The following RUBCNL variants were observed in gnomAD, a reference collection of about 807,000 sequenced individuals.
RUBCNL encodes the protein protein associated with UVRAG as autophagy enhancer.
Under a neutral mutation model 69.5 loss-of-function variants are expected in RUBCNL, and 62 were observed. That is an observed-to-expected ratio of 0.89 (90% CI 0.73 to 1.10). RUBCNL has a LOEUF of 1.10. RUBCNL is among the 50% of genes least tolerant of loss of function. The pLI is 0.00. For missense variants in RUBCNL, 768 were observed against 798.1 expected (o/e 0.96, Z 0.45); for synonymous variants, 291 against 303.6 (o/e 0.96, Z 0.43).
rs571927302 is a variant in RUBCNL at position 46,338,784 on chromosome 13, C to T, written c.*4601G>A. 8.6e-5 allele frequency among the ~76,000 whole-genome samples: 13 copies of T among 152,004 alleles called. No homozygotes were observed. Among genetic ancestry groups the T allele is most frequent in the African/African-American group, 1.5e-4 (6 of 41,378 alleles). On this transcript the variant is annotated 3_prime_UTR_variant, in exon 15 of 15. Coordinates refer to ENST00000429979, the MANE Select transcript of RUBCNL (RefSeq NM_025113.5). ...AAAATGTTCAAGGAAGGGCTGGGCG[C>T]GGTGGCTCACACCTGTAATCCAAGC...
In RUBCNL at chr13:46,347,656, G is replaced by A. The variant is rs12585021; in HGVS notation, c.1631+1630C>T. Among the ~76,000 whole-genome samples the A allele has an allele frequency of 0.028, 4,223 of 152,230 alleles. 359 individuals carry two copies. In the East Asian group the frequency reaches 0.33, roughly 12 times the overall value. ...GGATGAATAGATGGATTAAAAAAAT[G>A]TAGTATATACATACAATGAAATATT... On this transcript the variant is annotated intron_variant, in intron 12 of 14. Transcript: ENST00000429979.
At chr13:46,385,735 T>G (rs1180342124) in intron 1 of RUBCNL, among the ~76,000 whole-genome samples, 1 of 151,948 alleles carries the variant, frequency 6.6e-6, no homozygotes, top group African/African-American at 2.4e-5. Flanking sequence ...GAATGTTCCT[T>G]GTATCAAAAA....
chr13:46,387,110 C>T, intron 1 of RUBCNL, 24 bp downstream of exon 1: 2 of 985,790 alleles, frequency 2.0e-6, no homozygotes, highest in Non-Finnish European at 2.4e-6. Flanking sequence ...GCTCCCATCT[C>T]GCCCCCGGCC....
At chr13:46,368,567 C>G (rs1017558689) in intron 4 of RUBCNL, 166 bp downstream of exon 4, 2 of 904,150 alleles carry the variant, frequency 2.2e-6, no homozygotes, top group Non-Finnish European at 2.6e-6. Context: ...GGCACGGCCT[C>G]GGAACCCTTC....
Position 46,337,163 on chromosome 13 carries a change from G to T in RUBCNL, c.*6222C>A, listed in dbSNP as rs1465256246. On this transcript the variant is annotated 3_prime_UTR_variant, in exon 15 of 15. Coordinates refer to ENST00000429979, the MANE Select transcript of RUBCNL (RefSeq NM_025113.5). ...TTCTTTTTTTGGGGGCAGGGAGGGG[G>T]GACCAAGTCTCACTCTGTTGTCAGG... Among the ~76,000 whole-genome samples the T allele has an allele frequency of 1.3e-5, 2 of 151,174 alleles. No homozygotes were observed. Among genetic ancestry groups the T allele is most frequent in the Non-Finnish European group, 2.9e-5 (2 of 67,818 alleles).
At position 46,349,301 on chromosome 13, in the gene RUBCNL, C is replaced by T. The variant is rs774620986; in HGVS notation, c.1616G>A (p.Cys539Tyr). 4 of 1,613,642 alleles carry T rather than the reference C, an allele frequency of 2.5e-6. No homozygotes were observed. Among genetic ancestry groups the T allele is most frequent in the Non-Finnish European group, 3.4e-6 (4 of 1,179,746 alleles). Residue 539 changes from cysteine (C) to tyrosine (Y), a missense_variant, in exon 12 of 15, where the codon TGT becomes TAT. By Grantham distance (194) the Cys-to-Tyr change is radical. Coordinates refer to ENST00000429979, the MANE Select transcript of RUBCNL (RefSeq NM_025113.5). ...LFHIKKLLKT[C>Y]RFANSALKEF... Reference sequence around the variant, plus strand: ...AGAATAGTACCTGTTAGCAAACCTACAGGTCTTCAACAGCTTCTTGATATG... The same window carrying T: ...AGAATAGTACCTGTTAGCAAACCTATAGGTCTTCAACAGCTTCTTGATATG...
intron 5 of RUBCNL, 26 bp from the exon 6 acceptor site, chr13:46,363,239 T>C: frequency 7.5e-7 from 1 of 1,341,816 alleles, no homozygotes; most frequent in Admixed American, 2.6e-5. Flanking sequence ...AAGGAGGTTT[T>C]TACCAATAAG....
intron 1 of RUBCNL, among the ~76,000 whole-genome samples, chr13:46,380,857 T>C (rs1044739872): frequency 2.6e-5 from 4 of 152,076 alleles, no homozygotes; most frequent in Non-Finnish European, 4.4e-5. Flanking sequence ...ACCACTAAAT[T>C]AACATTCTAC....
chr13:46,387,016 A>G (rs963903858), intron 1 of RUBCNL, 118 bp downstream of exon 1: 1 of 886,946 alleles, frequency 1.1e-6, no homozygotes, highest in Non-Finnish European at 1.4e-6. Flanking sequence ...GCTGGGCACA[A>G]ACCTCTCTGG....
At chr13:46,352,112 G>A (rs991687285) in intron 10 of RUBCNL, among the ~76,000 whole-genome samples, 4 of 152,196 alleles carry the variant, frequency 2.6e-5, no homozygotes, top group African/African-American at 9.7e-5. Context: ...ACAGGCGTGA[G>A]CCACCACGCC....
chr13:46,360,472 CG>C (rs1566075300), intron 8 of RUBCNL, among the ~76,000 whole-genome samples: 1 of 152,164 alleles, frequency 6.6e-6, no homozygotes, highest in Non-Finnish European at 1.5e-5. Flanking sequence ...TACTCACAAA[CG>C]GGTATTATCC....
At chr13:46,366,966 T>G (rs747685407) in intron 5 of RUBCNL, among the ~76,000 whole-genome samples, 42 of 152,184 alleles carry the variant, frequency 2.8e-4, no homozygotes, top group Non-Finnish European at 4.4e-4. Context: ...ACTGAAAACA[T>G]AGATTCAGGA....
intron 4 of RUBCNL, 151 bp from the exon 5 acceptor site, chr13:46,368,400 A>G: frequency 1.0e-6 from 1 of 962,016 alleles, no homozygotes. Context: ...AGGTCACTCT[A>G]TGACTTATAG....
chr13:46,386,702 G>T (rs779979866), intron 1 of RUBCNL, among the ~76,000 whole-genome samples: 6 of 152,190 alleles, frequency 3.9e-5, no homozygotes, highest in Non-Finnish European at 8.8e-5. Flanking sequence ...ATGTTTTTCT[G>T]TCACCACATA....
At position 46,335,260 on chromosome 13, in the gene RUBCNL, G is replaced by GTTTTTT. The variant is rs764458781; in HGVS notation, c.*8119_*8124dup. Among the ~76,000 whole-genome samples, 8 of 101,890 alleles carry GTTTTTT rather than the reference G, an allele frequency of 7.9e-5. No homozygotes were observed. The highest frequency in any genetic ancestry group is 1.0e-4 in the Admixed American group (1 of 9,630). 66.8% of individuals were successfully genotyped at this position (101,890 alleles called of 152,430 possible). Reference sequence around the variant, plus strand: ...GTGTCTTTTTGTTGTTGTTGTTGTTGTTTTTTTTTTTTTTTTTTTTTTTTT... The same window carrying GTTTTTT: ...GTGTCTTTTTGTTGTTGTTGTTGTTGTTTTTTTTTTTTTTTTTTTTTTTTTTTTTTT... On this transcript the variant is annotated 3_prime_UTR_variant, in exon 15 of 15. Transcript: ENST00000429979.
chr13:46,366,315 TGACCTGGCTGAGTGGTCAGGAA>T (rs1265259812), intron 5 of RUBCNL, among the ~76,000 whole-genome samples: 1 of 152,188 alleles, frequency 6.6e-6, no homozygotes, highest in East Asian at 1.9e-4. Context: ...TGTTGAGATG[TGACCTGGCTGAGTGGTCAGGAA>T]GACTGCAGAG....
chr13:46,378,040 A>G (rs928030484), intron 1 of RUBCNL, 35 bp from the exon 2 acceptor site: 16 of 1,103,376 alleles, frequency 1.5e-5, no homozygotes, highest in Non-Finnish European at 1.8e-5. Flanking sequence ...AGATGCTATG[A>G]TACCACTGCC....
chr13:46,358,934 C>T (rs1228074217), intron 9 of RUBCNL, among the ~76,000 whole-genome samples: 4 of 151,980 alleles, frequency 2.6e-5, no homozygotes, highest in Admixed American at 2.6e-4. Context: ...TTTATTCATT[C>T]ATTTTTATTT....
chr13:46,356,479 GCCA>G lies in RUBCNL; in HGVS notation c.1280_1282del (p.Val427del). On this transcript the variant is annotated inframe_deletion, in exon 10 of 15. Coordinates refer to ENST00000429979, the MANE Select transcript of RUBCNL (RefSeq NM_025113.5). ...GCCGGCACAGAAAAAATTCTGGGCT[GCCA>G]CCACAAGGTCCCTCCTGAATACGAA... 6.2e-7 allele frequency: 1 copy of G among 1,613,880 alleles called. No individual in the cohort carries two copies. Among genetic ancestry groups the G allele is most frequent in the Non-Finnish European group, 8.5e-7 (1 of 1,179,860 alleles).
Sources: gnomAD v4.1 joint callset for allele counts (sites outside exome capture counted in the v4.1 genomes callset) on GRCh38, gnomAD v4.1.1 for gene constraint, MANE v1.5 for transcripts, NCBI Gene and HGNC (gene_info 2026-07-23, HGNC 2026-07-21) for gene names.